NTM: variants seen among roughly 807,000 people sequenced by gnomAD.
NTM encodes the protein neurotrimin, also known as IgLON family member 2.
A neutral mutation model predicts 42.1 loss-of-function variants in NTM; 13 were observed. That is an observed-to-expected ratio of 0.31 (90% CI 0.20 to 0.49). The LOEUF (loss-of-function observed/expected upper bound fraction) is 0.49. NTM is among the 20% of genes least tolerant of loss of function. NTM has a pLI of 0.99. For synonymous variants in NTM, 187 were observed against 179.2 expected, an observed-to-expected ratio of 1.04 and a Z score of -0.35; for missense variants, 373 against 452.8, an observed-to-expected ratio of 0.82 and a Z score of 1.60.
At chr11:131,761,873 G>A (rs1265834561) in intron 1 of NTM, among the ~76,000 whole-genome samples, 2 of 151,782 alleles carry the variant, frequency 1.3e-5, no homozygotes, top group Non-Finnish European at 2.9e-5. Flanking sequence ...TAAATGCAGA[G>A]GAGGAAGAGC....
At chr11:131,719,900 G>T (rs1433068236) in intron 1 of NTM, among the ~76,000 whole-genome samples, 5 of 152,164 alleles carry the variant, frequency 3.3e-5, no homozygotes, top group Non-Finnish European at 7.3e-5. Context: ...GTCTGACTGT[G>T]CCCAGATGGT....
chr11:132,276,178 T>C (rs1303491369), intron 4 of NTM, among the ~76,000 whole-genome samples: 4 of 152,156 alleles, frequency 2.6e-5, no homozygotes, highest in African/African-American at 9.7e-5. Context: ...TGACAGATTT[T>C]ATTTTTGTGT....
chr11:131,814,030 A>C lies in NTM; in HGVS notation c.83-97534A>C, dbSNP rs906281139. ...TATGATTAATAATAATATTATTATT[A>C]TCTGTCATTTAACACCTAATGAAGC... On this transcript the variant is annotated intron_variant, in intron 1 of 8. Coordinates refer to ENST00000683400, the MANE Select transcript of NTM (RefSeq NM_001352005.2). Among the ~76,000 whole-genome samples the C allele has an allele frequency of 3.3e-5, 5 of 152,156 alleles. 1 individual carries two copies. The South Asian group carries it at 1.0e-3, about 32-fold the overall frequency.
intron 1 of NTM, among the ~76,000 whole-genome samples, chr11:131,471,039 AAC>A (rs1013161073): frequency 7.9e-5 from 12 of 152,326 alleles, no homozygotes; most frequent in East Asian, 1.9e-4. Flanking sequence ...TCTGCAGCCT[AAC>A]ATCAAGCTGG....
At chr11:131,804,472 T>G (rs1035002647) in intron 1 of NTM, among the ~76,000 whole-genome samples, 1 of 152,136 alleles carries the variant, frequency 6.6e-6, no homozygotes, top group African/African-American at 2.4e-5. Flanking sequence ...AAGAGTAGTT[T>G]CCTGAACATC....
chr11:132,321,207 T>G (rs1332413298), intron 7 of NTM, among the ~76,000 whole-genome samples: 1 of 152,168 alleles, frequency 6.6e-6, no homozygotes, highest in Non-Finnish European at 1.5e-5. Context: ...AGAAGACAGC[T>G]TCAGACAATC....
chr11:131,820,841 C>T lies in NTM; in HGVS notation c.83-90723C>T, dbSNP rs149275133. Among the ~76,000 whole-genome samples the T allele has an allele frequency of 4.9e-3, 746 of 152,194 alleles. 4 individuals carry two copies. The highest frequency in any genetic ancestry group is 7.6e-3 in the Non-Finnish European group (514 of 68,014). On this transcript the variant is annotated intron_variant, in intron 1 of 8. Transcript: ENST00000683400. ...ATGTTGTACTTAGCAATCCATTTGT[C>T]GGAGGATGTTCAGGGTTTAAGGTGT...
intron 1 of NTM, among the ~76,000 whole-genome samples, chr11:131,424,546 A>G (rs1488906608): frequency 6.8e-6 from 1 of 146,094 alleles, no homozygotes; most frequent in Non-Finnish European, 1.5e-5. Context: ...GAGCATGCTG[A>G]TAAGTTACCG....
chr11:131,528,736 T>C (rs1354502043), intron 1 of NTM, among the ~76,000 whole-genome samples: 1 of 152,220 alleles, frequency 6.6e-6, no homozygotes, highest in Non-Finnish European at 1.5e-5. Context: ...ATTTAATAAA[T>C]GCATGCTAAA....
chr11:131,850,684 C>A (rs2136813134), intron 1 of NTM, among the ~76,000 whole-genome samples: 1 of 152,256 alleles, frequency 6.6e-6, no homozygotes, highest in African/African-American at 2.4e-5. Flanking sequence ...CAGCAGCAAT[C>A]AATGTTCAAA....
At chr11:131,814,552 A>T (rs2092869588) in intron 1 of NTM, among the ~76,000 whole-genome samples, 4 of 152,248 alleles carry the variant, frequency 2.6e-5, no homozygotes, top group Admixed American at 2.6e-4. Flanking sequence ...AAGGAAAAAA[A>T]AATAAAAGAA....
At chr11:132,101,286 T>G (rs2136553992) in intron 2 of NTM, among the ~76,000 whole-genome samples, 1 of 152,242 alleles carries the variant, frequency 6.6e-6, no homozygotes, top group East Asian at 1.9e-4. Flanking sequence ...TGAAGAGAGA[T>G]GGCTGAGCAG....
At chr11:131,671,229 G>A (rs1041691431) in intron 1 of NTM, among the ~76,000 whole-genome samples, 4 of 152,166 alleles carry the variant, frequency 2.6e-5, no homozygotes, top group African/African-American at 9.7e-5. Flanking sequence ...CCAGGAGGGA[G>A]CCATTCCTAT....
chr11:132,163,854 C>A (rs1270580803), intron 3 of NTM, among the ~76,000 whole-genome samples: 1 of 152,070 alleles, frequency 6.6e-6, no homozygotes, highest in Non-Finnish European at 1.5e-5. Context: ...CTCAGAAATT[C>A]TGACTCAGTT....
intron 1 of NTM, among the ~76,000 whole-genome samples, chr11:131,517,280 G>A (rs1311704821): frequency 6.6e-6 from 1 of 152,158 alleles, no homozygotes; most frequent in African/African-American, 2.4e-5. Flanking sequence ...TTCAGAATCT[G>A]GCTGCCTGAA....
intron 1 of NTM, among the ~76,000 whole-genome samples, chr11:131,718,669 A>G (rs1247447335): frequency 6.6e-6 from 1 of 151,756 alleles, no homozygotes; most frequent in African/African-American, 2.4e-5. Flanking sequence ...GCTCAAGGGA[A>G]CCCTCTGCAG....
intron 1 of NTM, among the ~76,000 whole-genome samples, chr11:131,739,503 A>T (rs1044924430): frequency 2.0e-5 from 3 of 152,118 alleles, no homozygotes; most frequent in Admixed American, 6.5e-5. Context: ...CTGCTTTCTG[A>T]CCGGATGGCA....
At chr11:132,332,060 G>T (rs1236689607) in intron 8 of NTM, among the ~76,000 whole-genome samples, 1 of 152,200 alleles carries the variant, frequency 6.6e-6, no homozygotes, top group Non-Finnish European at 1.5e-5. Context: ...ATCGATTTGG[G>T]GTAGAAACAT....
intron 2 of NTM, among the ~76,000 whole-genome samples, chr11:132,081,291 A>G (rs989414380): frequency 1.3e-5 from 2 of 152,244 alleles, no homozygotes; most frequent in African/African-American, 4.8e-5. Context: ...TACACTACAG[A>G]AACAATAACC....
Sources: allele counts gnomAD v4.1 joint callset (sites outside exome capture counted in the v4.1 genomes callset), GRCh38; gene constraint gnomAD v4.1.1; transcripts MANE v1.5; gene names NCBI Gene and HGNC (gene_info 2026-07-23, HGNC 2026-07-21).